PCDHGB2: variants seen among roughly 807,000 people sequenced by gnomAD.
PCDHGB2 encodes the protein protocadherin gamma subfamily B, 2.
In PCDHGB2, 55 loss-of-function variants were observed where a neutral mutation model predicts 59.3. That is an observed-to-expected ratio of 0.93 (90% CI 0.75 to 1.16). The LOEUF (loss-of-function observed/expected upper bound fraction) is 1.16, where lower values mean the gene tolerates loss of function less well. PCDHGB2 is among the 50% of genes most tolerant of loss of function. The pLI is 0.00. For synonymous variants in PCDHGB2, 516 were observed against 512.0 expected (o/e 1.01, Z -0.11); for missense variants, 1,228 against 1,198.5 (o/e 1.02, Z -0.36).
At chr5:141,384,906 C>T (rs767972748) in intron 1 of PCDHGB2, 4 of 1,613,882 alleles carry the variant, frequency 2.5e-6, no homozygotes, top group Non-Finnish European at 3.4e-6. Flanking sequence ...ACAGCATCCC[C>T]GAAGTCTTGG....
chr5:141,418,477 C>G (rs2154547707), intron 1 of PCDHGB2: 1 of 1,614,016 alleles, frequency 6.2e-7, no homozygotes, highest in Non-Finnish European at 8.5e-7. Context: ...AAACGCAGAG[C>G]GCTCACCACT....
intron 1 of PCDHGB2, chr5:141,427,922 G>A: frequency 6.3e-7 from 1 of 1,580,742 alleles, no homozygotes; most frequent in Non-Finnish European, 8.6e-7. Flanking sequence ...ACATGAGCCG[G>A]CGCATGTTGG....
At chr5:141,387,700 G>A (rs1303500403) in intron 1 of PCDHGB2, 1 of 933,942 alleles carries the variant, frequency 1.1e-6, no homozygotes, top group Non-Finnish European at 1.6e-6. Context: ...CGCTTTCCAG[G>A]GCAGCCCCAG....
intron 1 of PCDHGB2, among the ~76,000 whole-genome samples, chr5:141,448,931 C>G (rs966398044): frequency 1.3e-5 from 2 of 152,040 alleles, no homozygotes; most frequent in African/African-American, 4.8e-5. Context: ...GGCGACAGAG[C>G]AAGACTGCAA....
chr5:141,388,818 G>T, intron 1 of PCDHGB2: 2 of 1,613,928 alleles, frequency 1.2e-6, no homozygotes, highest in Non-Finnish European at 1.7e-6. Context: ...AGAAGTCAAA[G>T]AATATTCCAT....
At chr5:141,376,183 C>G (rs1772387950) in intron 1 of PCDHGB2, 1 of 1,614,148 alleles carries the variant, frequency 6.2e-7, no homozygotes, top group Admixed American at 1.7e-5. Context: ...TGGCCGCGGT[C>G]TCCTGCGTCT....
chr5:141,374,069 C>T (rs747646831), intron 1 of PCDHGB2: 8 of 1,502,764 alleles, frequency 5.3e-6, no homozygotes, highest in Non-Finnish European at 7.1e-6. Context: ...CAGAGAAGTT[C>T]CTAATAAGCC....
At chr5:141,384,360 C>A in intron 1 of PCDHGB2, 1 of 1,613,902 alleles carries the variant, frequency 6.2e-7, no homozygotes, top group Non-Finnish European at 8.5e-7. Context: ...ATGCCCAGAT[C>A]ACTTATTCCT....
At chr5:141,364,922 C>A (rs1201913698) in intron 1 of PCDHGB2, 1 of 1,613,948 alleles carries the variant, frequency 6.2e-7, no homozygotes, top group East Asian at 2.2e-5. Flanking sequence ...GGTGTTGGAA[C>A]AGCCCCTAGA....
Position 141,432,208 on chromosome 5 carries a change from G to A in PCDHGB2, c.2422-62599G>A, listed in dbSNP as rs150518735. The A allele has an allele frequency of 3.4e-5, 55 of 1,614,196 alleles. No individual in the cohort carries two copies. In the Middle Eastern group the frequency reaches 8.2e-4, roughly 24 times the overall value. Reference sequence around the variant, plus strand: ...CCGCCCACGACCCCGACTGTGAAGAGAACGCCCAGATCACTTATTCCCTGG... The same window carrying A: ...CCGCCCACGACCCCGACTGTGAAGAAAACGCCCAGATCACTTATTCCCTGG... On this transcript the variant is annotated intron_variant, in intron 1 of 3. Transcript: ENST00000522605. The surrounding 1 kb of genome is among the most constrained non-coding windows in gnomAD (Gnocchi z 6.0).
chr5:141,487,058 C>T lies in PCDHGB2; in HGVS notation c.2422-7749C>T, dbSNP rs775720601. 23 of 1,613,980 alleles carry T rather than the reference C, an allele frequency of 1.4e-5. No individual in the cohort carries two copies. The highest frequency in any genetic ancestry group is 1.0e-4 in the Admixed American group (6 of 59,996). ...AGTCTCTCGATATGCTGGGGAGGTGCGGACGGCTGTTCCTATCCCAGCTGA... is the reference window on the plus strand; with the variant it reads ...AGTCTCTCGATATGCTGGGGAGGTGTGGACGGCTGTTCCTATCCCAGCTGA... On this transcript the variant is annotated intron_variant, in intron 1 of 3. Transcript: ENST00000522605. The surrounding 1 kb of genome is among the most constrained non-coding windows in gnomAD (Gnocchi z 5.0).
chr5:141,393,745 A>T, intron 1 of PCDHGB2: 1 of 1,613,898 alleles, frequency 6.2e-7, no homozygotes. Context: ...GATTATGAAG[A>T]ATGTTCATTT....
intron 2 of PCDHGB2, among the ~76,000 whole-genome samples, chr5:141,503,954 C>T (rs2099834393): frequency 6.6e-6 from 1 of 152,186 alleles, no homozygotes; most frequent in Non-Finnish European, 1.5e-5. Flanking sequence ...GCCTACCCTA[C>T]AGCCTTTCCC....
intron 1 of PCDHGB2, chr5:141,389,933 G>T: frequency 1.9e-6 from 3 of 1,614,068 alleles, no homozygotes; most frequent in Non-Finnish European, 2.5e-6. Context: ...CTGACCTCCA[G>T]GCTGAGCTGC....
At chr5:141,510,056 G>C (rs1450505898) in intron 3 of PCDHGB2, among the ~76,000 whole-genome samples, 2 of 152,174 alleles carry the variant, frequency 1.3e-5, no homozygotes. Flanking sequence ...AAGTGATTGT[G>C]CATGTGAAGC....
chr5:141,394,427 G>A (rs748527281), intron 1 of PCDHGB2: 23 of 1,614,228 alleles, frequency 1.4e-5, no homozygotes, highest in Non-Finnish European at 1.6e-5. Flanking sequence ...GCGACAGCGG[G>A]GACCCGCCCC....
Position 141,362,139 on chromosome 5 carries a change from G to T in PCDHGB2, c.2004G>T (p.Leu668=). 1 of 1,614,030 alleles carries T rather than the reference G, an allele frequency of 6.2e-7. No individual in the cohort carries two copies. The highest frequency in any genetic ancestry group is 8.5e-7 in the Non-Finnish European group (1 of 1,179,906). The change falls in exon 1 of 4, where the codon CTG becomes CTT. Residue 668 remains leucine, a synonymous_variant. Coordinates refer to ENST00000522605, the MANE Select transcript of PCDHGB2 (RefSeq NM_018923.3). ...TGCACCTAATCTTCGCGGATAGCCT[G>T]CAAGAGGTATTGCCAGACCTCAGCG... The part of the protein sequence containing the change: ...ATLHLIFADS[L]QEVLPDLSDR...
At chr5:141,388,261 T>G (rs1439243738) in intron 1 of PCDHGB2, 1 of 1,611,348 alleles carries the variant, frequency 6.2e-7, no homozygotes, top group East Asian at 2.2e-5. Context: ...ATCGAGGACA[T>G]TAATGACCAC....
chr5:141,505,705 GAA>G (rs1250788277), intron 3 of PCDHGB2, among the ~76,000 whole-genome samples: 1 of 152,198 alleles, frequency 6.6e-6, no homozygotes, highest in Non-Finnish European at 1.5e-5. Flanking sequence ...AGCGAACAAG[GAA>G]AAGACTCATG....
Sources: allele counts gnomAD v4.1 joint callset (sites outside exome capture counted in the v4.1 genomes callset), GRCh38; gene constraint gnomAD v4.1.1; non-coding constraint Gnocchi (gnomAD v3.1); transcripts MANE v1.5; gene names NCBI Gene and HGNC (gene_info 2026-07-23, HGNC 2026-07-21).